The following DEPTOR variants were observed in gnomAD, a reference collection of about 807,000 sequenced individuals.
DEPTOR encodes DEP domain containing MTOR interacting protein.
DEPTOR carries 41 observed loss-of-function variants against 41.6 expected under a neutral mutation model. The ratio of observed to expected loss-of-function variants is 0.98; its 90% confidence interval spans 0.77 to 1.28. The LOEUF (loss-of-function observed/expected upper bound fraction) is 1.28, where lower values mean the gene tolerates loss of function less well. Among genes scored for constraint, DEPTOR ranks in the 50% most tolerant of loss-of-function variants. DEPTOR has a pLI of 0.00. For synonymous variants in DEPTOR, 195 were observed against 192.3 expected (o/e 1.01, Z -0.12); for missense variants, 514 against 527.9 (o/e 0.97, Z 0.26).
intron 3 of DEPTOR, among the ~76,000 whole-genome samples, chr8:119,932,798 CG>C (rs1828062016): frequency 6.6e-6 from 1 of 151,990 alleles, no homozygotes; most frequent in African/African-American, 2.4e-5. Flanking sequence ...ATAGGGGCAT[CG>C]GGGAAGACGT....
intron 3 of DEPTOR, among the ~76,000 whole-genome samples, chr8:119,953,879 A>G (rs1828385080): frequency 7.0e-6 from 1 of 143,414 alleles, no homozygotes; most frequent in African/African-American, 2.6e-5. Flanking sequence ...ATCTTGGCTC[A>G]CTGCAACCTC....
chr8:119,947,620 T>G (rs916869957), intron 3 of DEPTOR, among the ~76,000 whole-genome samples: 1 of 152,198 alleles, frequency 6.6e-6, no homozygotes, highest in Non-Finnish European at 1.5e-5. Context: ...CCTCCTGATC[T>G]TCCAAAGTGG....
chr8:119,945,027 A>G (rs1342353649), intron 3 of DEPTOR, among the ~76,000 whole-genome samples: 1 of 151,982 alleles, frequency 6.6e-6, no homozygotes, highest in Non-Finnish European at 1.5e-5. Flanking sequence ...AGCCATCTCA[A>G]CAGGGTGATT....
At chr8:120,026,245 A>T (rs1812794251) in intron 8 of DEPTOR, among the ~76,000 whole-genome samples, 1 of 152,054 alleles carries the variant, frequency 6.6e-6, no homozygotes, top group African/African-American at 2.4e-5. Context: ...TAGCAGTGTG[A>T]TGAGACAGAT....
intron 1 of DEPTOR, among the ~76,000 whole-genome samples, chr8:119,904,912 C>T (rs1359912738): frequency 1.3e-5 from 2 of 151,798 alleles, no homozygotes; most frequent in African/African-American, 4.8e-5. Flanking sequence ...TCACCTCAGC[C>T]ACCCAAGTAG....
At chr8:119,935,384 A>G (rs551579303) in intron 3 of DEPTOR, among the ~76,000 whole-genome samples, 17 of 152,312 alleles carry the variant, frequency 1.1e-4, no homozygotes, top group African/African-American at 1.9e-4. Context: ...TTTTGAGTGC[A>G]TGTTCCCCAC....
chr8:119,920,234 G>C (rs1342432229), intron 1 of DEPTOR, among the ~76,000 whole-genome samples: 1 of 152,138 alleles, frequency 6.6e-6, no homozygotes, highest in Admixed American at 6.6e-5. Flanking sequence ...TTCCCACCAT[G>C]CTGAATACAT....
chr8:119,946,030 T>C (rs12541789), intron 3 of DEPTOR, among the ~76,000 whole-genome samples: 53,943 of 152,036 alleles, frequency 0.35, 10,451 homozygotes, highest in East Asian at 0.52. Context: ...TCGGGCGCTT[T>C]GTTGTTAAGC....
At chr8:120,046,706 T>A (rs1359593710) in intron 8 of DEPTOR, among the ~76,000 whole-genome samples, 1 of 152,060 alleles carries the variant, frequency 6.6e-6, no homozygotes, top group Non-Finnish European at 1.5e-5. Flanking sequence ...CCTCCCAAAG[T>A]GTTAGGATTA....
chr8:119,958,507 G>A (rs1428251530), intron 3 of DEPTOR, among the ~76,000 whole-genome samples: 2 of 152,100 alleles, frequency 1.3e-5, no homozygotes, highest in Non-Finnish European at 2.9e-5. Flanking sequence ...TAACGTGGCC[G>A]GGCATGGTGG....
Position 120,001,568 on chromosome 8 carries a change from G to T in DEPTOR, c.648G>T (p.Gln216His). The T allele has an allele frequency of 6.2e-7, 1 of 1,613,590 alleles. No individual in the cohort carries two copies. Among genetic ancestry groups the T allele is most frequent in the Admixed American group, 1.7e-5 (1 of 59,964 alleles). The change falls in exon 5 of 9, where the codon CAG becomes CAT. Residue 216 changes from glutamine to histidine, a missense_variant. By Grantham distance (24) the Gln-to-His change is conservative. Coordinates refer to ENST00000286234, the MANE Select transcript of DEPTOR (RefSeq NM_022783.4). ...TTGTGGACAGCAATCTTCTCTACCA[G>T]TTCAGAATGAACTTCCGGCGGAGGC... is the stretch of plus-strand genomic sequence containing the variant. ...HPFVDSNLLY[Q>H]FRMNFRRRRR... is the part of the protein sequence containing the mutation.
intron 8 of DEPTOR, among the ~76,000 whole-genome samples, chr8:120,042,908 A>G (rs1448232719): frequency 6.7e-6 from 1 of 150,100 alleles, no homozygotes; most frequent in African/African-American, 2.5e-5. Flanking sequence ...GGAGTGCAGT[A>G]GTGCAATCTT....
At chr8:119,934,599 G>C (rs1358220051) in intron 3 of DEPTOR, among the ~76,000 whole-genome samples, 1 of 152,244 alleles carries the variant, frequency 6.6e-6, no homozygotes, top group African/African-American at 2.4e-5. Flanking sequence ...TGGGAGGACT[G>C]ACCGAGATCC....
At chr8:119,900,560 A>AT (rs995747571) in intron 1 of DEPTOR, among the ~76,000 whole-genome samples, 19 of 149,566 alleles carry the variant, frequency 1.3e-4, no homozygotes, top group Non-Finnish European at 1.6e-4. Flanking sequence ...CTCATTTTTA[A>AT]TTTTTTTTTG....
At chr8:120,011,405 T>C (rs1438107511) in intron 8 of DEPTOR, among the ~76,000 whole-genome samples, 2 of 152,006 alleles carry the variant, frequency 1.3e-5, no homozygotes, top group Non-Finnish European at 2.9e-5. Context: ...CAACTCAGAG[T>C]AGGAATGTTG....
intron 8 of DEPTOR, among the ~76,000 whole-genome samples, chr8:120,049,032 A>C (rs1813193052): frequency 6.6e-6 from 1 of 152,182 alleles, no homozygotes; most frequent in South Asian, 2.1e-4. Context: ...TATCATGTTT[A>C]AGTTTACATC....
At chr8:120,006,639 G>C (rs1002352278) in intron 6 of DEPTOR, among the ~76,000 whole-genome samples, 166 bp from the exon 7 acceptor site, 4 of 151,450 alleles carry the variant, frequency 2.6e-5, no homozygotes, top group African/African-American at 9.7e-5. Context: ...ATTTATGTTT[G>C]CTGCTATTTA....
intron 4 of DEPTOR, among the ~76,000 whole-genome samples, chr8:119,976,589 C>G (rs1421116370): frequency 6.6e-6 from 1 of 152,120 alleles, no homozygotes; most frequent in Non-Finnish European, 1.5e-5. Context: ...GAAAACAAGG[C>G]TACCTGAAGA....
At chr8:119,946,964 A>G (rs1029719727) in intron 3 of DEPTOR, among the ~76,000 whole-genome samples, 3 of 152,140 alleles carry the variant, frequency 2.0e-5, no homozygotes, top group Admixed American at 6.6e-5. Context: ...ACTGTCATCC[A>G]GCCTCTGCAA....
Sources: allele counts gnomAD v4.1 joint callset (sites outside exome capture counted in the v4.1 genomes callset), GRCh38; gene constraint gnomAD v4.1.1; transcripts MANE v1.5; gene names NCBI Gene and HGNC (gene_info 2026-07-23, HGNC 2026-07-21).